The following MAD1L1 variants were observed in gnomAD, a reference collection of about 807,000 sequenced individuals.
The protein encoded by MAD1L1 is mitotic spindle assembly checkpoint protein MAD1.
Under a neutral mutation model 96.9 loss-of-function variants are expected in MAD1L1, and 95 were observed. The ratio of observed to expected loss-of-function variants is 0.98; its 90% CI spans 0.83 to 1.16. MAD1L1 has a LOEUF of 1.16. Among genes scored for constraint, MAD1L1 ranks in the 50% most tolerant of loss-of-function variants. MAD1L1 has a pLI of 0.00. For synonymous variants in MAD1L1, 473 were observed against 396.6 expected, an observed-to-expected ratio of 1.19 and a Z score of -2.29; for missense variants, 1,007 against 954.4, an observed-to-expected ratio of 1.06 and a Z score of -0.73.
intron 12 of MAD1L1, among the ~76,000 whole-genome samples, chr7:2,023,707 G>C (rs944797255): frequency 1.3e-5 from 2 of 152,204 alleles, no homozygotes; most frequent in African/African-American, 4.8e-5. Flanking sequence ...CCAGCACTTT[G>C]GGAGGCCAAG....
At chr7:1,994,175 C>G (rs1781460398) in intron 14 of MAD1L1, among the ~76,000 whole-genome samples, 1 of 152,232 alleles carries the variant, frequency 6.6e-6, no homozygotes, top group East Asian at 1.9e-4. Context: ...AGTGTGTACT[C>G]ATGACATGGT....
chr7:1,920,224 A>G (rs539499239), intron 17 of MAD1L1, among the ~76,000 whole-genome samples: 1 of 152,264 alleles, frequency 6.6e-6, no homozygotes, highest in East Asian at 1.9e-4. Context: ...TCCCTGTAAC[A>G]AGCATCTCCG....
chr7:1,824,368 T>G (rs533681925), intron 18 of MAD1L1, among the ~76,000 whole-genome samples: 9 of 152,096 alleles, frequency 5.9e-5, no homozygotes, highest in Admixed American at 2.6e-4. Context: ...GAGCCTGGTC[T>G]GCACGCTGGG....
chr7:2,028,875 G>GA (rs373530692), intron 12 of MAD1L1, among the ~76,000 whole-genome samples: 45 of 137,160 alleles, frequency 3.3e-4, no homozygotes, highest in East Asian at 1.2e-3. Context: ...CAAGAAAAAT[G>GA]AAAAAAAAAA....
At chr7:2,115,347 G>A (rs998398651) in intron 11 of MAD1L1, among the ~76,000 whole-genome samples, 3 of 147,190 alleles carry the variant, frequency 2.0e-5, no homozygotes, top group Non-Finnish European at 4.5e-5. Flanking sequence ...GGGGTCAGAG[G>A]AGGCACTGGA....
chr7:2,162,249 ATTC>A (rs1202779710), intron 10 of MAD1L1, among the ~76,000 whole-genome samples: 4 of 152,318 alleles, frequency 2.6e-5, no homozygotes, highest in African/African-American at 9.6e-5. Flanking sequence ...ACTAAGAAAA[ATTC>A]TTCTGCCTTG....
At position 1,941,355 on chromosome 7, in the gene MAD1L1, A is replaced by AC. The variant is rs1417329306; in HGVS notation, c.1597-4459_1597-4458insG. On this transcript the variant is annotated intron_variant, in intron 16 of 18. Transcript: ENST00000265854. ...ATCCTGGGATGAGGTTTCCCCCCTG[A>AC]TGGGGGGCTTGAGGTCCAGGAAACA... 1.2e-3 allele frequency among the ~76,000 whole-genome samples: 176 copies of AC among 152,280 alleles called. 1 individual carries two copies. Among genetic ancestry groups the AC allele is most frequent in the African/African-American group, 3.7e-3 (153 of 41,546 alleles).
chr7:1,837,233 G>A (rs1782981106), intron 18 of MAD1L1, among the ~76,000 whole-genome samples: 1 of 152,206 alleles, frequency 6.6e-6, no homozygotes, highest in South Asian at 2.1e-4. Flanking sequence ...TGAGGAAAAT[G>A]CAAATTAAAA....
chr7:2,057,924 C>T (rs1485903207), intron 12 of MAD1L1, among the ~76,000 whole-genome samples: 1 of 152,186 alleles, frequency 6.6e-6, no homozygotes. Context: ...TCCTCCATGA[C>T]ACTGCACCTG....
At chr7:2,033,343 G>T (rs7802187) in intron 12 of MAD1L1, among the ~76,000 whole-genome samples, 28,911 of 152,178 alleles carry the variant, frequency 0.19, 5,407 homozygotes, top group African/African-American at 0.48. Context: ...TAGAACTAAA[G>T]GAAACAAGAT....
At chr7:1,941,583 G>A (rs950956933) in intron 16 of MAD1L1, among the ~76,000 whole-genome samples, 7 of 152,134 alleles carry the variant, frequency 4.6e-5, no homozygotes, top group African/African-American at 7.2e-5. Context: ...CACCGTGTCC[G>A]GGCTGGGACC....
chr7:1,932,980 T>C (rs1259298362), intron 17 of MAD1L1, among the ~76,000 whole-genome samples: 1 of 152,256 alleles, frequency 6.6e-6, no homozygotes, highest in African/African-American at 2.4e-5. Flanking sequence ...TGCTCACTGC[T>C]TTCTCTTGGT....
intron 11 of MAD1L1, among the ~76,000 whole-genome samples, chr7:2,139,986 A>ACCCCCCCCCCCCCCCCCCCC (rs1562723081): frequency 1.4e-5 from 2 of 138,926 alleles, no homozygotes; most frequent in African/African-American, 5.5e-5. Context: ...TACTATCTGG[A>ACCCCCCCCCCCCCCCCCCCC]CCCCGCCCCC....
intron 13 of MAD1L1, 79 bp from the exon 14 acceptor site, chr7:2,002,200 C>A (rs1270042217): frequency 7.4e-7 from 1 of 1,357,412 alleles, no homozygotes; most frequent in Non-Finnish European, 1.0e-6. Flanking sequence ...ACACAACCCC[C>A]ACCACCCCGC....
chr7:1,961,346 T>C (rs1024445498), intron 15 of MAD1L1, among the ~76,000 whole-genome samples: 7 of 152,166 alleles, frequency 4.6e-5, no homozygotes, highest in Admixed American at 1.3e-4. Flanking sequence ...CCAACTACGT[T>C]AAAGCCGTAG....
intron 11 of MAD1L1, among the ~76,000 whole-genome samples, chr7:2,139,552 G>A (rs1158168532): frequency 6.6e-6 from 1 of 152,230 alleles, no homozygotes; most frequent in African/African-American, 2.4e-5. Context: ...CACTCATGCT[G>A]GGAGAAGCTG....
At chr7:2,110,405 G>A (rs1382857298) in intron 11 of MAD1L1, among the ~76,000 whole-genome samples, 1 of 152,190 alleles carries the variant, frequency 6.6e-6, no homozygotes, top group African/African-American at 2.4e-5. Context: ...CGCCCAAAGC[G>A]GAAATCAGAC....
In MAD1L1 at chr7:2,142,200, C is replaced by T. The variant is rs1333163977; in HGVS notation, c.1073+6952G>A. Among the ~76,000 whole-genome samples the T allele has an allele frequency of 6.6e-6, 1 of 152,204 alleles. No individual in the cohort carries two copies. Among genetic ancestry groups the T allele is most frequent in the Non-Finnish European group, 1.5e-5 (1 of 68,030 alleles). ...GAGACGGCTTTTCAAAGGGCCCACA[C>T]TAGCCAAACTAACCCGAGCAGCCTT... On this transcript the variant is annotated intron_variant, in intron 11 of 18. Coordinates refer to ENST00000265854, the MANE Select transcript of MAD1L1 (RefSeq NM_001013836.2). The surrounding 1 kb of genome is among the most constrained non-coding windows in gnomAD (Gnocchi z 4.7).
intron 17 of MAD1L1, among the ~76,000 whole-genome samples, chr7:1,922,182 C>A (rs140344356): frequency 3.3e-5 from 5 of 152,222 alleles, no homozygotes; most frequent in African/African-American, 1.2e-4. Flanking sequence ...ACCAGCCCAG[C>A]GGCGAGCGCC....
Sources: gnomAD v4.1 joint callset for allele counts (sites outside exome capture counted in the v4.1 genomes callset) on GRCh38, gnomAD v4.1.1 for gene constraint, Gnocchi (gnomAD v3.1) non-coding constraint, MANE v1.5 for transcripts, NCBI Gene and HGNC (gene_info 2026-07-23, HGNC 2026-07-21) for gene names.